The following RGS6 variants were observed in gnomAD, a reference collection of about 807,000 sequenced individuals.
The protein encoded by RGS6 is regulator of G protein signaling 6.
A neutral mutation model predicts 78.5 loss-of-function variants in RGS6; 30 were observed. The observed-to-expected ratio is 0.38, with a 90% CI of 0.29 to 0.52. The LOEUF (loss-of-function observed/expected upper bound fraction) is 0.52, where lower values mean the gene tolerates loss of function less well. Ranked by LOEUF, RGS6 falls within the 20% of genes least tolerant of loss-of-function variation. The pLI is 0.85. For missense variants in RGS6, 495 were observed against 609.7 expected (o/e 0.81, Z 1.98); for synonymous variants, 206 against 206.0 (o/e 1.00, Z 0.00).
At chr14:72,271,493 A>G (rs1201150974) in intron 2 of RGS6, among the ~76,000 whole-genome samples, 1 of 152,228 alleles carries the variant, frequency 6.6e-6, no homozygotes, top group African/African-American at 2.4e-5. Flanking sequence ...TTGGGTGGGC[A>G]CACAGCCAAA....
chr14:72,591,647 C>G, the RGS6 span, among the ~76,000 whole-genome samples: 1 of 152,174 alleles, frequency 6.6e-6, no homozygotes, highest in Non-Finnish European at 1.5e-5. Context: ...CAGCATTTAC[C>G]TGGTGCCTAC....
At chr14:72,001,997 G>A (rs2083553969) in intron 2 of RGS6, among the ~76,000 whole-genome samples, 1 of 146,588 alleles carries the variant, frequency 6.8e-6, no homozygotes, top group Non-Finnish European at 1.5e-5. Context: ...TTATCTCCTG[G>A]GCTCAAGTGA....
At chr14:72,493,190 GC>G (rs1444976881) in intron 12 of RGS6, among the ~76,000 whole-genome samples, 1 of 152,148 alleles carries the variant, frequency 6.6e-6, no homozygotes, top group Admixed American at 6.6e-5. Context: ...CTCCAGGAAG[GC>G]TCAGCGTGAA....
intron 17 of RGS6, among the ~76,000 whole-genome samples, chr14:72,552,091 GCAT>G (rs1446872013): frequency 6.6e-6 from 1 of 152,184 alleles, no homozygotes; most frequent in African/African-American, 2.4e-5. Context: ...TGCAAGATAG[GCAT>G]CATTATATAC....
chr14:72,023,278 T>C (rs998883291), intron 2 of RGS6, among the ~76,000 whole-genome samples: 2 of 152,232 alleles, frequency 1.3e-5, no homozygotes, highest in African/African-American at 2.4e-5. Flanking sequence ...TTTTTCTAAA[T>C]TGCCTTCCGG....
At chr14:72,365,748 A>G (rs986766823) in intron 3 of RGS6, among the ~76,000 whole-genome samples, 2 of 152,152 alleles carry the variant, frequency 1.3e-5, no homozygotes, top group African/African-American at 4.8e-5. Flanking sequence ...AATATCTAAT[A>G]AAAATGTTAA....
the RGS6 span, among the ~76,000 whole-genome samples, chr14:72,624,314 A>T: frequency 7.0e-6 from 1 of 143,426 alleles, no homozygotes; most frequent in Non-Finnish European, 1.5e-5. Flanking sequence ...TAATTTCTCC[A>T]GTTTTCCCAC....
At chr14:72,311,979 C>A (rs966281402) in intron 2 of RGS6, among the ~76,000 whole-genome samples, 1 of 152,150 alleles carries the variant, frequency 6.6e-6, no homozygotes, top group Non-Finnish European at 1.5e-5. Context: ...GAAGAGGCCC[C>A]AGCAGAAAAC....
At chr14:72,123,224 A>G (rs1309606539) in intron 2 of RGS6, among the ~76,000 whole-genome samples, 1 of 152,214 alleles carries the variant, frequency 6.6e-6, no homozygotes, top group Non-Finnish European at 1.5e-5. Flanking sequence ...TGCTGGGATT[A>G]CAGGTGTGAG....
chr14:71,991,177 C>G (rs547995689), intron 2 of RGS6, among the ~76,000 whole-genome samples: 7 of 152,196 alleles, frequency 4.6e-5, no homozygotes, highest in Non-Finnish European at 8.8e-5. Context: ...TGCCACATAG[C>G]TTATCCCTGT....
At chr14:72,471,977 A>C (rs1285157574) in intron 8 of RGS6, among the ~76,000 whole-genome samples, 1 of 152,150 alleles carries the variant, frequency 6.6e-6, no homozygotes, top group African/African-American at 2.4e-5. Flanking sequence ...TTTTTGATTA[A>C]CTCTGTGATT....
At chr14:72,502,540 C>A (rs1025559483) in intron 13 of RGS6, among the ~76,000 whole-genome samples, 2 of 152,122 alleles carry the variant, frequency 1.3e-5, no homozygotes, top group African/African-American at 4.8e-5. Context: ...CCGAGGCAAG[C>A]GGATCACGAG....
intron 2 of RGS6, among the ~76,000 whole-genome samples, chr14:72,043,575 G>A (rs1180839751): frequency 6.6e-6 from 1 of 152,008 alleles, no homozygotes; most frequent in Non-Finnish European, 1.5e-5. Flanking sequence ...TTCTCTTCTT[G>A]CATGGTTTCT....
intron 2 of RGS6, among the ~76,000 whole-genome samples, chr14:72,050,672 G>T (rs948631518): frequency 1.3e-5 from 2 of 152,284 alleles, no homozygotes; most frequent in South Asian, 2.1e-4. Flanking sequence ...CTCTAGCAGG[G>T]AATCAATATA....
rs181974754 is a variant in RGS6 at position 72,134,466 on chromosome 14, C to T, written c.84+169591C>T. Among the ~76,000 whole-genome samples the T allele has an allele frequency of 3.6e-3, 545 of 151,344 alleles. 22 individuals are homozygous for T. Among genetic ancestry groups the T allele is most frequent in the Admixed American group, 0.031 (477 of 15,172 alleles). On this transcript the variant is annotated intron_variant, in intron 2 of 17. Coordinates refer to ENST00000553525, the MANE Select transcript of RGS6 (RefSeq NM_001204424.2). ...CCTGGTAAATTCTACAGAAACATTT[C>T]CATTTTCCTTTGTTTTATGTACAGA... is the stretch of plus-strand genomic sequence containing the variant.
intron 2 of RGS6, among the ~76,000 whole-genome samples, chr14:72,044,698 C>T (rs1194651107): frequency 6.6e-6 from 1 of 151,982 alleles, no homozygotes; most frequent in Admixed American, 6.6e-5. Context: ...TGGTGAGACT[C>T]TGTCTCTACT....
intron 3 of RGS6, among the ~76,000 whole-genome samples, chr14:72,392,785 C>T (rs1237990742): frequency 6.6e-6 from 1 of 152,196 alleles, no homozygotes; most frequent in Non-Finnish European, 1.5e-5. Context: ...GCCTTCCACA[C>T]TTCTTCCTGC....
At chr14:71,929,773 C>T (rs908004997), upstream of RGS6, among the ~76,000 whole-genome samples, 3 of 152,116 alleles carry the variant, frequency 2.0e-5, no homozygotes, top group African/African-American at 7.2e-5. Context: ...TAGTCGCATT[C>T]TACTATAGAG....
At chr14:72,039,360 G>A (rs1384471502) in intron 2 of RGS6, among the ~76,000 whole-genome samples, 5 of 152,120 alleles carry the variant, frequency 3.3e-5, no homozygotes, top group African/African-American at 1.2e-4. Flanking sequence ...TTATAGGAGG[G>A]ATATAGATCC....
Sources: allele counts gnomAD v4.1 joint callset (sites outside exome capture counted in the v4.1 genomes callset), GRCh38; gene constraint gnomAD v4.1.1; transcripts MANE v1.5; gene names NCBI Gene and HGNC (gene_info 2026-07-23, HGNC 2026-07-21).